ATL2: variants seen among roughly 807,000 people sequenced by gnomAD.
ATL2 encodes the protein atlastin GTPase 2.
In ATL2, 31 loss-of-function variants were observed where a neutral mutation model predicts 73.9. The ratio of observed to expected loss-of-function variants is 0.42; its 90% confidence interval spans 0.32 to 0.57. The LOEUF (loss-of-function observed/expected upper bound fraction) is 0.57. ATL2 is among the 20% of genes least tolerant of loss of function. The pLI is 0.14. For synonymous variants in ATL2, 291 were observed against 237.5 expected (o/e 1.23, Z -2.07); for missense variants, 738 against 702.6 (o/e 1.05, Z -0.57).
intron 8 of ATL2, among the ~76,000 whole-genome samples, chr2:38,310,001 A>C (rs937652792): frequency 6.6e-6 from 1 of 152,214 alleles, no homozygotes; most frequent in Admixed American, 6.5e-5. Flanking sequence ...CATCAATATA[A>C]TAAAATGATA....
chr2:38,355,006 C>T (rs866518656), intron 1 of ATL2, among the ~76,000 whole-genome samples: 16 of 152,188 alleles, frequency 1.1e-4, no homozygotes, highest in African/African-American at 3.9e-4. Context: ...GAAAAACACG[C>T]AAGATGGCAA....
intron 1 of ATL2, among the ~76,000 whole-genome samples, chr2:38,370,398 A>G (rs1392564075): frequency 6.9e-6 from 1 of 144,680 alleles, no homozygotes; most frequent in Non-Finnish European, 1.5e-5. Flanking sequence ...ACAGTGAGCC[A>G]AGATCGCGCC....
At chr2:38,343,574 G>T in intron 1 of ATL2, 62 bp from the exon 2 acceptor site, 1 of 1,514,122 alleles carries the variant, frequency 6.6e-7, no homozygotes, top group Non-Finnish European at 9.0e-7. Context: ...TTTCATTAAG[G>T]ACCACAACTA....
chr2:38,302,457 T>C lies in ATL2; in HGVS notation c.1072-2129A>G, dbSNP rs972678663. On this transcript the variant is annotated intron_variant, in intron 9 of 12. Transcript: ENST00000378954. ...TGCTGATTGTAGAACCTCTGGGCCT[T>C]GACTGACCACAGGCAATAACCACAC... Among the ~76,000 whole-genome samples, 8 of 152,094 alleles carry C rather than the reference T, an allele frequency of 5.3e-5. No individual in the cohort carries two copies. The South Asian group carries it at 1.4e-3, about 28-fold the overall frequency.
At chr2:38,349,082 A>G (rs1158610597) in intron 1 of ATL2, among the ~76,000 whole-genome samples, 2 of 150,852 alleles carry the variant, frequency 1.3e-5, no homozygotes, top group Non-Finnish European at 3.0e-5. Flanking sequence ...GTGGGACTGT[A>G]AACTAGTTCA....
chr2:38,360,091 C>T lies in ATL2; in HGVS notation c.119-16579G>A, dbSNP rs1670918659. ...GTTGCAGTGAGATGAGATCGTCGTCCACTGTACTCTAGCCTGGGCAGAGCA... is the reference window on the plus strand; with the variant it reads ...GTTGCAGTGAGATGAGATCGTCGTCTACTGTACTCTAGCCTGGGCAGAGCA... On this transcript the variant is annotated intron_variant, in intron 1 of 12. Coordinates refer to ENST00000378954, the MANE Select transcript of ATL2 (RefSeq NM_001135673.4). 2.1e-5 allele frequency among the ~76,000 whole-genome samples: 3 copies of T among 144,092 alleles called. No individual in the cohort carries two copies. The South Asian group carries it at 6.5e-4, about 31-fold the overall frequency. The allele number at this position is 144,092 out of a possible 152,430, so 94.5% of individuals were successfully genotyped here.
Position 38,298,247 on chromosome 2 carries a change from A to G in ATL2, c.1529T>C (p.Leu510Ser), listed in dbSNP as rs1345179976. The G allele has an allele frequency of 6.2e-7, 1 of 1,614,032 alleles. No homozygotes were observed. The highest frequency in any genetic ancestry group is 8.5e-7 in the Non-Finnish European group (1 of 1,179,976). The stretch of plus-strand genomic sequence containing the variant: ...CCAAGTACAAAGAAATATCAGTGCT[A>G]ACCCCATGACAAGGTTACACAAGAC... The part of the protein sequence containing the change: ...IAVLCNLVMG[L>S]ALIFLCTWAY... The change falls in exon 12 of 13, where the codon TTA (leucine) becomes TCA (serine). Residue 510 changes from leucine to serine, a missense_variant. Coordinates refer to ENST00000378954, the MANE Select transcript of ATL2 (RefSeq NM_001135673.4).
chr2:38,378,268 A>C (rs185947170), upstream of ATL2, among the ~76,000 whole-genome samples: 441 of 152,318 alleles, frequency 2.9e-3, 2 homozygotes, highest in African/African-American at 0.01. Context: ...ATCTCTAGAA[A>C]AGCACTGGTG....
intron 2 of ATL2, among the ~76,000 whole-genome samples, chr2:38,340,184 G>T (rs908502261): frequency 1.1e-5 from 1 of 90,156 alleles, no homozygotes; most frequent in Non-Finnish European, 2.4e-5. Context: ...GGGGGGGGGG[G>T]GGGTAGACAT....
chr2:38,314,948 CTTT>C (rs1462821211), intron 5 of ATL2, among the ~76,000 whole-genome samples: 1 of 152,212 alleles, frequency 6.6e-6, no homozygotes, highest in Non-Finnish European at 1.5e-5. Context: ...GGCACATTTT[CTTT>C]AAGAAATATG....
chr2:38,321,288 G>A (rs1668307554), intron 2 of ATL2, among the ~76,000 whole-genome samples: 1 of 152,036 alleles, frequency 6.6e-6, no homozygotes, highest in African/African-American at 2.4e-5. Context: ...ATCCCCAGTA[G>A]GCCACCAATC....
intron 7 of ATL2, 34 bp from the exon 8 acceptor site, chr2:38,310,481 C>G: frequency 3.2e-6 from 5 of 1,565,356 alleles, no homozygotes; most frequent in Non-Finnish European, 4.3e-6. Flanking sequence ...AAATTGTAAA[C>G]AGAAGAAAGA....
At position 38,294,456 on chromosome 2, in the gene ATL2, G is replaced by C. The variant is rs561770599; in HGVS notation, c.*1538C>G. ...CCAGCTACTCAGGAGGCTGAGGCGGGAGAATCACTTGAACCCAGGAGGTGG... is the reference window on the plus strand; with the variant it reads ...CCAGCTACTCAGGAGGCTGAGGCGGCAGAATCACTTGAACCCAGGAGGTGG... On this transcript the variant is annotated 3_prime_UTR_variant, in exon 13 of 13. Transcript: ENST00000378954. 4.1e-4 allele frequency among the ~76,000 whole-genome samples: 63 copies of C among 152,304 alleles called. No individual in the cohort carries two copies. Among genetic ancestry groups the C allele is most frequent in the Non-Finnish European group, 7.5e-4 (51 of 68,008 alleles).
chr2:38,308,203 T>C (rs1225751468), intron 9 of ATL2, among the ~76,000 whole-genome samples: 1 of 152,204 alleles, frequency 6.6e-6, no homozygotes, highest in Non-Finnish European at 1.5e-5. Context: ...GGAAGCAACC[T>C]GTGTCTATCA....
chr2:38,362,753 C>A (rs564024231), intron 1 of ATL2, among the ~76,000 whole-genome samples: 1 of 152,136 alleles, frequency 6.6e-6, no homozygotes, highest in Non-Finnish European at 1.5e-5. Context: ...GAGTTTACAT[C>A]CTAAAGACAG....
chr2:38,324,975 CAAT>C (rs1668516012), intron 2 of ATL2, among the ~76,000 whole-genome samples: 2 of 152,160 alleles, frequency 1.3e-5, no homozygotes, highest in Non-Finnish European at 2.9e-5. Context: ...GGCTACACAA[CAAT>C]GTGAACAGAC....
chr2:38,313,194 T>A lies in ATL2; in HGVS notation c.761A>T (p.Tyr254Phe). The A allele has an allele frequency of 2.5e-6, 4 of 1,613,638 alleles. No homozygotes were observed. Among genetic ancestry groups the A allele is most frequent in the Non-Finnish European group, 3.4e-6 (4 of 1,179,650 alleles). The change falls in exon 7 of 13, where the codon TAT (tyrosine) becomes TTT (phenylalanine). Residue 254 changes from tyrosine to phenylalanine, a missense_variant. By Grantham distance (22) the Tyr-to-Phe change is conservative. Coordinates refer to ENST00000378954, the MANE Select transcript of ATL2 (RefSeq NM_001135673.4). ...AAATTGCTTTCCACCTTCCAAACCA[T>A]ATGAATGTTCATAAGGATAGCTCCA... is the stretch of plus-strand genomic sequence containing the variant. Reference protein sequence around the residue: ...RDWSYPYEHSYGLEGGKQFLE... With the variant: ...RDWSYPYEHSFGLEGGKQFLE...
At chr2:38,351,884 G>T (rs1030124938) in intron 1 of ATL2, among the ~76,000 whole-genome samples, 1 of 151,848 alleles carries the variant, frequency 6.6e-6, no homozygotes, top group African/African-American at 2.4e-5. Context: ...GGCCGAGGAA[G>T]TCAGATCACC....
At chr2:38,377,092 G>T in intron 1 of ATL2, 51 bp downstream of exon 1, 1 of 1,551,638 alleles carries the variant, frequency 6.4e-7, no homozygotes, top group Non-Finnish European at 8.8e-7. Flanking sequence ...CCCGAGCAGC[G>T]AGCGTCTCTC....
Sources: allele counts gnomAD v4.1 joint callset (sites outside exome capture counted in the v4.1 genomes callset), GRCh38; gene constraint gnomAD v4.1.1; transcripts MANE v1.5; gene names NCBI Gene and HGNC (gene_info 2026-07-23, HGNC 2026-07-21).